AFG2A: variants seen among roughly 807,000 people sequenced by gnomAD.
AFG2A encodes AAA ATPase AFG2A.
the AFG2A span, among the ~76,000 whole-genome samples, chr4:123,006,938 C>CTT: frequency 5.8e-4 from 85 of 146,762 alleles, no homozygotes; most frequent in Non-Finnish European, 9.6e-4. Flanking sequence ...CTTTTACTCT[C>CTT]TTTTTTTTTC....
chr4:123,227,404 C>T, the AFG2A span, among the ~76,000 whole-genome samples: 4 of 151,962 alleles, frequency 2.6e-5, no homozygotes, highest in South Asian at 2.1e-4. Context: ...GATTCTGGTA[C>T]GTTGTGTCTT....
At chr4:122,934,354 C>G in the AFG2A span, 1 of 1,614,166 alleles carries the variant, frequency 6.2e-7, no homozygotes, top group South Asian at 1.1e-5. Flanking sequence ...TCCTTATAAA[C>G]CAATTGATGA....
At chr4:123,015,288 A>G in the AFG2A span, among the ~76,000 whole-genome samples, 1 of 150,810 alleles carries the variant, frequency 6.6e-6, no homozygotes, top group Non-Finnish European at 1.5e-5. Context: ...CAGATAAACA[A>G]GTGAACAAAG....
the AFG2A span, among the ~76,000 whole-genome samples, chr4:123,123,478 T>A: frequency 6.6e-6 from 1 of 152,138 alleles, no homozygotes; most frequent in Non-Finnish European, 1.5e-5. Flanking sequence ...AGTGATAACA[T>A]CTCATATCAA....
At chr4:123,013,365 C>A in the AFG2A span, among the ~76,000 whole-genome samples, 1 of 152,146 alleles carries the variant, frequency 6.6e-6, no homozygotes, top group South Asian at 2.1e-4. Flanking sequence ...AATTGGTAAC[C>A]TTTTTCACCT....
chr4:123,297,191 AGATTT>A, the AFG2A span, among the ~76,000 whole-genome samples: 4 of 152,314 alleles, frequency 2.6e-5, no homozygotes, highest in Middle Eastern at 3.4e-3. Flanking sequence ...CTTTGCCAAT[AGATTT>A]AACACAAAGA....
chr4:122,939,075 C>A, the AFG2A span, among the ~76,000 whole-genome samples: 3 of 102,224 alleles, frequency 2.9e-5, no homozygotes, highest in Admixed American at 2.2e-4. Context: ...TATGTTCTTT[C>A]TTTTTTTTTT....
At chr4:123,255,249 C>T in the AFG2A span, among the ~76,000 whole-genome samples, 20 of 152,124 alleles carry the variant, frequency 1.3e-4, no homozygotes, top group African/African-American at 4.3e-4. Context: ...GGCCGGGCAC[C>T]GTGGCTCACG....
the AFG2A span, among the ~76,000 whole-genome samples, chr4:123,002,753 T>C: frequency 0.011 from 1,691 of 152,236 alleles, 45 homozygotes; most frequent in African/African-American, 0.038. Context: ...TCCTTCATTT[T>C]AACTTTGGTG....
the AFG2A span, among the ~76,000 whole-genome samples, chr4:123,156,016 G>A: frequency 6.6e-6 from 1 of 152,284 alleles, no homozygotes; most frequent in African/African-American, 2.4e-5. Context: ...AGGAAGCATG[G>A]CAGCTTCTAC....
chr4:123,174,699 G>A, the AFG2A span, among the ~76,000 whole-genome samples: 1 of 151,906 alleles, frequency 6.6e-6, no homozygotes, highest in Non-Finnish European at 1.5e-5. Context: ...AAATAAAGTT[G>A]GGCCCCTACT....
chr4:123,049,735 G>T, the AFG2A span, among the ~76,000 whole-genome samples: 1 of 151,722 alleles, frequency 6.6e-6, no homozygotes. Context: ...AGGTAGTCTA[G>T]CCAAAGCTTT....
chr4:123,218,420 A>G, the AFG2A span, among the ~76,000 whole-genome samples: 1 of 152,132 alleles, frequency 6.6e-6, no homozygotes, highest in African/African-American at 2.4e-5. Context: ...AAAATTTTAA[A>G]TCTCTCTAAG....
the AFG2A span, among the ~76,000 whole-genome samples, chr4:123,235,353 G>A: frequency 6.6e-6 from 1 of 152,242 alleles, no homozygotes; most frequent in East Asian, 1.9e-4. Context: ...TGGGGGAAAA[G>A]TGCTCACATA....
At chr4:123,280,454 T>G in the AFG2A span, among the ~76,000 whole-genome samples, 105 of 152,326 alleles carry the variant, frequency 6.9e-4, no homozygotes, top group African/African-American at 2.4e-3. Flanking sequence ...AAATTTATTA[T>G]CTTATAGTTC....
At chr4:122,979,257 G>GA in the AFG2A span, 1 of 1,614,000 alleles carries the variant, frequency 6.2e-7, no homozygotes. Context: ...GGAGAATCCT[G>GA]AAAAAACAGC....
the AFG2A span, chr4:123,317,956 A>G: frequency 6.6e-6 from 1 of 152,200 alleles, no homozygotes; most frequent in Non-Finnish European, 1.5e-5. Context: ...AGCTGCTTCA[A>G]TTGTGTCAGT....
At chr4:123,147,525 T>C in the AFG2A span, among the ~76,000 whole-genome samples, 1 of 152,188 alleles carries the variant, frequency 6.6e-6, no homozygotes, top group Admixed American at 6.5e-5. Context: ...TCAGTTGTTA[T>C]CTGTCATCAT....
chr4:123,185,052 A>T, the AFG2A span, among the ~76,000 whole-genome samples: 2 of 152,140 alleles, frequency 1.3e-5, no homozygotes, highest in African/African-American at 4.8e-5. Flanking sequence ...TGCCAAGACT[A>T]TCCCTTTATT....
Sources: gnomAD v4.1 joint callset for allele counts (sites outside exome capture counted in the v4.1 genomes callset) on GRCh38, gnomAD v4.1.1 for gene constraint, MANE v1.5 for transcripts, NCBI Gene and HGNC (gene_info 2026-07-23, HGNC 2026-07-21) for gene names.